Variants in TTC17 observed in about 807,000 individuals in gnomAD.
TTC17 encodes the protein tetratricopeptide repeat domain 17.
In TTC17, 58 loss-of-function variants were observed where a neutral mutation model predicts 143.8. That is an observed-to-expected ratio of 0.40 (90% CI 0.33 to 0.50). The LOEUF is 0.50. Ranked by LOEUF, TTC17 falls within the 20% of genes least tolerant of loss-of-function variation. The pLI, the probability that TTC17 is intolerant of heterozygous loss-of-function variation, is 0.49. For synonymous variants in TTC17, 501 were observed against 497.8 expected (o/e 1.01, Z -0.09); for missense variants, 1,273 against 1,392.5 (o/e 0.91, Z 1.37).
chr11:43,421,956 T>G (rs1448771042), intron 16 of TTC17, among the ~76,000 whole-genome samples: 2 of 150,656 alleles, frequency 1.3e-5, no homozygotes, highest in African/African-American at 4.9e-5. Flanking sequence ...AATGAACTGA[T>G]TTACATCTTA....
intron 21 of TTC17, among the ~76,000 whole-genome samples, chr11:43,478,208 A>G (rs1948220415): frequency 6.6e-6 from 1 of 152,240 alleles, no homozygotes; most frequent in South Asian, 2.1e-4. Context: ...GTAAAGAAAA[A>G]ACTAATGAAG....
At chr11:43,445,331 C>G (rs557893174) in intron 18 of TTC17, among the ~76,000 whole-genome samples, 1 of 152,112 alleles carries the variant, frequency 6.6e-6, no homozygotes, top group African/African-American at 2.4e-5. Flanking sequence ...TTACAGTTGG[C>G]AGCATCTTAG....
At chr11:43,408,219 C>T (rs1858235874) in intron 15 of TTC17, among the ~76,000 whole-genome samples, 1 of 151,946 alleles carries the variant, frequency 6.6e-6, no homozygotes, top group African/African-American at 2.4e-5. Flanking sequence ...GATTTTATAC[C>T]TAATGTCTAA....
At chr11:43,391,772 A>G (rs1245502405) in intron 4 of TTC17, 49 bp from the exon 5 acceptor site, 3 of 1,588,298 alleles carry the variant, frequency 1.9e-6, no homozygotes, top group East Asian at 2.2e-5. Context: ...ATTATTTGTC[A>G]TCTTTTATAT....
chr11:43,435,452 G>C (rs1484393795), intron 16 of TTC17: 1 of 152,134 alleles, frequency 6.6e-6, no homozygotes, highest in Non-Finnish European at 1.5e-5. Context: ...ATGACCATCA[G>C]GTATAGCTGA....
intron 16 of TTC17, among the ~76,000 whole-genome samples, chr11:43,438,088 A>G (rs145601006): frequency 1.3e-5 from 2 of 152,346 alleles, no homozygotes; most frequent in African/African-American, 4.8e-5. Context: ...CAGCTTTCCA[A>G]TCTGACTTCA....
chr11:43,412,981 G>GACATACACAC (rs1011505049), intron 15 of TTC17, among the ~76,000 whole-genome samples: 429 of 140,482 alleles, frequency 3.1e-3, no homozygotes, highest in African/African-American at 0.011. Flanking sequence ...ACCTAGAATA[G>GACATACACAC]ACACACACAC....
chr11:43,422,048 C>CA (rs1946918595), intron 16 of TTC17, among the ~76,000 whole-genome samples: 1 of 152,076 alleles, frequency 6.6e-6, no homozygotes, highest in Non-Finnish European at 1.5e-5. Flanking sequence ...GATGCTATTG[C>CA]AAAAATATCA....
chr11:43,456,975 TA>T (rs1370313944), intron 21 of TTC17, among the ~76,000 whole-genome samples: 2 of 152,088 alleles, frequency 1.3e-5, no homozygotes, highest in African/African-American at 4.8e-5. Flanking sequence ...GAGCCAGCCA[TA>T]AGCATATGGC....
rs558609667 is a variant in TTC17, at chr11:43,426,624, A to G, written c.2251+11848A>G. 4.6e-3 allele frequency among the ~76,000 whole-genome samples: 700 copies of G among 152,290 alleles called. 1 individual carries two copies. The highest frequency in any genetic ancestry group is 0.016 in the African/African-American group (675 of 41,570). On this transcript the variant is annotated intron_variant, in intron 16 of 23. Coordinates refer to ENST00000039989, the MANE Select transcript of TTC17 (RefSeq NM_018259.6). ...CTTTGGTTTGAATATCATACTTGCT[A>G]CCTCTACCAATGCAAAGGACATTTC...
In TTC17 at chr11:43,389,547, C is replaced by T. The variant is rs928859863; in HGVS notation, c.250-105C>T. On this transcript the variant is annotated intron_variant, in intron 2 of 23. Transcript: ENST00000039989. ...CATTTTCAGAATTCTTGTCTTCCTA[C>T]ATAGAGGATTCTGACTTCTTCAGCT... 1.9e-5 allele frequency: 22 copies of T among 1,161,898 alleles called. No individual in the cohort carries two copies. The African/African-American group carries it at 2.5e-4, about 13-fold the overall frequency. 72.0% of individuals were successfully genotyped at this position (1,161,898 alleles called of 1,614,324 possible). A position where few individuals can be genotyped will look rare whatever the true frequency, so the allele number is the denominator to read the frequency against.
At chr11:43,446,098 G>A in intron 18 of TTC17, 5 of 1,460,280 alleles carry the variant, frequency 3.4e-6, no homozygotes, top group Non-Finnish European at 4.5e-6. Flanking sequence ...CTAGTGTGGT[G>A]TACAAGACCC....
intron 15 of TTC17, 120 bp downstream of exon 15, chr11:43,407,697 C>T (rs1858209457): frequency 3.2e-6 from 3 of 925,726 alleles, no homozygotes; most frequent in East Asian, 2.7e-5. Flanking sequence ...TTCACAGTAG[C>T]GTTTGCATTA....
At chr11:43,361,221 G>T (rs577117833) in intron 1 of TTC17, among the ~76,000 whole-genome samples, 1 of 152,132 alleles carries the variant, frequency 6.6e-6, no homozygotes, top group African/African-American at 2.4e-5. Flanking sequence ...AATTTAGATC[G>T]TGATTAATTA....
intron 2 of TTC17, among the ~76,000 whole-genome samples, chr11:43,380,852 TG>T (rs1856940680): frequency 6.6e-6 from 1 of 152,220 alleles, no homozygotes; most frequent in African/African-American, 2.4e-5. Flanking sequence ...AATTTGGAAA[TG>T]TTGATTTTTA....
At chr11:43,468,019 CCACAG>C (rs1948014349) in intron 21 of TTC17, 1 of 152,060 alleles carries the variant, frequency 6.6e-6, no homozygotes, top group Non-Finnish European at 1.5e-5. Flanking sequence ...AGTGTGTGAT[CCACAG>C]ATTTAAATAC....
chr11:43,373,253 T>G (rs753813932), intron 1 of TTC17, among the ~76,000 whole-genome samples: 59 of 152,074 alleles, frequency 3.9e-4, no homozygotes, highest in Non-Finnish European at 3.5e-4. Flanking sequence ...ACAACATAAC[T>G]GCTCAGAAGT....
At chr11:43,409,575 C>A (rs188564173) in intron 15 of TTC17, among the ~76,000 whole-genome samples, 3 of 152,260 alleles carry the variant, frequency 2.0e-5, no homozygotes, top group Admixed American at 2.0e-4. Context: ...CTCATAACAA[C>A]CCTGTGAGAT....
chr11:43,395,096 G>C (rs893823295), intron 5 of TTC17, among the ~76,000 whole-genome samples: 1 of 149,394 alleles, frequency 6.7e-6, no homozygotes, highest in Admixed American at 6.7e-5. Flanking sequence ...AGTTCATGTA[G>C]AACTTTTTTT....
Sources: allele counts gnomAD v4.1 joint callset (sites outside exome capture counted in the v4.1 genomes callset), GRCh38; gene constraint gnomAD v4.1.1; transcripts MANE v1.5; gene names NCBI Gene and HGNC (gene_info 2026-07-23, HGNC 2026-07-21).